ZNF785: variants seen among roughly 807,000 people sequenced by gnomAD.
ZNF785 encodes the protein zinc finger protein 785.
In ZNF785, 15 loss-of-function variants were observed where a neutral mutation model predicts 11.3. The ratio of observed to expected loss-of-function variants is 1.32; its 90% CI spans 0.89 to 2.04. The LOEUF is 2.04. ZNF785 is among the 30% of genes most tolerant of loss of function. The probability of loss-of-function intolerance (pLI) is 0.00; values close to 1 mark genes in which losing one functional copy is unlikely to be tolerated. For synonymous variants in ZNF785, 221 were observed against 231.0 expected, an observed-to-expected ratio of 0.96 and a Z score of 0.39; for missense variants, 572 against 560.9, an observed-to-expected ratio of 1.02 and a Z score of -0.20.
At chr16:30,579,883 TTTTTG>T (rs749689056), downstream of ZNF785, 6 of 454,808 alleles carry the variant, frequency 1.3e-5, no homozygotes, top group South Asian at 6.2e-5. Flanking sequence ...TAACTGTTGT[TTTTTG>T]TTTTGTTTTG....
At chr16:30,583,845 TA>T (rs57893410) in intron 2 of ZNF785, 10,328 of 121,792 alleles carry the variant, frequency 0.085, 638 homozygotes, top group African/African-American at 0.2. Flanking sequence ...AACTCTCTAA[TA>T]AAAAAAAAAA....
rs747286533 is a variant in ZNF785 at position 30,583,048 on chromosome 16, C to A, written c.730G>T (p.Ala244Ser). The A allele has an allele frequency of 4.3e-6, 7 of 1,609,394 alleles. No individual in the cohort carries two copies. The highest frequency in any genetic ancestry group is 5.9e-6 in the Non-Finnish European group (7 of 1,179,044). ...GRRFRQRGSL[A>S]IHRRAHTGEK... Reference sequence around the variant, plus strand: ...CCGGTGTGAGCCCGCCTGTGGATAGCCAGGGAACCCCTCTGGCGGAAGCGG... The same window carrying A: ...CCGGTGTGAGCCCGCCTGTGGATAGACAGGGAACCCCTCTGGCGGAAGCGG... The change falls in exon 3 of 3, where the codon GCT becomes TCT. Residue 244 changes from alanine (A) to serine (S), a missense_variant. By Grantham distance (99) the Ala-to-Ser change is moderately conservative. Coordinates refer to ENST00000395216, the MANE Select transcript of ZNF785 (RefSeq NM_152458.7).
rs753782405 is a variant in ZNF785 at position 30,582,912 on chromosome 16, C to G, written c.866G>C (p.Cys289Ser). The change falls in exon 3 of 3, where the codon TGC becomes TCC. Residue 289 changes from cysteine (C) to serine (S), a missense_variant. By Grantham distance (112) the Cys-to-Ser change is moderately radical. Transcript: ENST00000395216. ...TGEKPYSCPDCSLRFAYTSLL... is the reference protein window; with the variant it reads ...TGEKPYSCPDSSLRFAYTSLL... ...GGAGGTGTAGGCGAAACGGAGGCTG[C>G]AATCGGGGCAGCTGTAGGGCTTCTC... The G allele has an allele frequency of 1.5e-5, 24 of 1,613,710 alleles. No homozygotes were observed. In the African/African-American group the frequency reaches 2.8e-4, roughly 19 times the overall value.
At position 30,582,899 on chromosome 16, in the gene ZNF785, G is replaced by C; in HGVS notation, c.879C>G (p.Phe293Leu). The change falls in exon 3 of 3, where the codon TTC becomes TTG. Residue 293 changes from phenylalanine to leucine, a missense_variant. Transcript: ENST00000395216. ...GGATGGCCAGCAGGGAGGTGTAGGC[G>C]AAACGGAGGCTGCAATCGGGGCAGC... ...PYSCPDCSLR[F>L]AYTSLLAIHR... 6.2e-7 allele frequency: 1 copy of C among 1,613,848 alleles called. No homozygotes were observed.
rs1436663378 is a variant in ZNF785 at position 30,582,839 on chromosome 16, G to C, written c.939C>G (p.Pro313=). The change falls in exon 3 of 3, where the codon CCC becomes CCG. Residue 313 remains proline (P), a synonymous_variant. Coordinates refer to ENST00000395216, the MANE Select transcript of ZNF785 (RefSeq NM_152458.7). ...RRIHTGEKPY[P]CPDCGRRFTY... is the part of the protein sequence containing the mutation. ...TGAAGCGGCGGCCGCAGTCAGGACA[G>C]GGGTAGGGCTTCTCGCCGGTGTGTA... 2 of 1,611,488 alleles carry C rather than the reference G, an allele frequency of 1.2e-6. No homozygotes were observed. The highest frequency in any genetic ancestry group is 1.7e-6 in the Non-Finnish European group (2 of 1,178,442).
chr16:30,582,925 T>G lies in ZNF785; in HGVS notation c.853A>C (p.Ser285Arg), dbSNP rs1247822031. 1.9e-6 allele frequency: 3 copies of G among 1,611,656 alleles called. No homozygotes were observed. Among genetic ancestry groups the G allele is most frequent in the African/African-American group, 2.7e-5 (2 of 73,956 alleles). ...AAACGGAGGCTGCAATCGGGGCAGC[T>G]GTAGGGCTTCTCGCCCGTGTGCTTG... ...QRKHTGEKPY[S>R]CPDCSLRFAY... Residue 285 changes from serine to arginine, a missense_variant, in exon 3 of 3, where the codon AGC (serine) becomes CGC (arginine). By Grantham distance (110) the Ser-to-Arg change is moderately radical (BLOSUM62 -1). Transcript: ENST00000395216.
chr16:30,582,824 G>A lies in ZNF785; in HGVS notation c.954C>T (p.Gly318=). Reference sequence around the variant, plus strand: ...GGAGGGAAGAATAGGTGAAGCGGCGGCCGCAGTCAGGACAGGGGTAGGGCT... The same window carrying A: ...GGAGGGAAGAATAGGTGAAGCGGCGACCGCAGTCAGGACAGGGGTAGGGCT... ...GEKPYPCPDC[G]RRFTYSSLLL... Residue 318 remains glycine (G), a synonymous_variant, in exon 3 of 3, where the codon GGC becomes GGT. Coordinates refer to ENST00000395216, the MANE Select transcript of ZNF785 (RefSeq NM_152458.7). 1 of 1,608,020 alleles carries A rather than the reference G, an allele frequency of 6.2e-7. No individual in the cohort carries two copies. The highest frequency in any genetic ancestry group is 1.1e-5 in the South Asian group (1 of 90,558).
At chr16:30,584,433 C>T (rs1365131832) in intron 2 of ZNF785, among the ~76,000 whole-genome samples, 2 of 152,064 alleles carry the variant, frequency 1.3e-5, no homozygotes, top group East Asian at 1.9e-4. Flanking sequence ...AGGTGGATCA[C>T]GAGATCAGGA....
rs753416043 is a variant in ZNF785, at chr16:30,585,380, G to A, written c.205+27C>T. 1.3e-6 allele frequency: 2 copies of A among 1,573,848 alleles called. No homozygotes were observed. The highest frequency in any genetic ancestry group is 1.7e-6 in the Non-Finnish European group (2 of 1,161,786). On this transcript the variant is annotated intron_variant, in intron 1 of 2. Transcript: ENST00000395216. This position sits in a 1 kb window ranked among gnomAD's most constrained non-coding sequence, Gnocchi z 4.0. Reference sequence around the variant, plus strand: ...CACCGCTTCCCACCGACGGACTGGGGGTCCCGGCCGGAGGGCCCGGCCTCA... The same window carrying A: ...CACCGCTTCCCACCGACGGACTGGGAGTCCCGGCCGGAGGGCCCGGCCTCA...
rs758188267 is a variant in ZNF785 at position 30,585,159 on chromosome 16, G to C, written c.297C>G (p.Ser99Arg). The change falls in exon 2 of 3, where the codon AGC becomes AGG. Residue 99 changes from serine (S) to arginine (R), a missense_variant. Physicochemically the swap from Ser to Arg is moderately radical, Grantham distance 110 (BLOSUM62 -1). Coordinates refer to ENST00000395216, the MANE Select transcript of ZNF785 (RefSeq NM_152458.7). The surrounding 1 kb of genome is among the most constrained non-coding windows in gnomAD (Gnocchi z 4.0). ...CTTGGCCCCTGCTGAAAGCTGCAGA[G>C]CTCTCACCGTCGGGATCCTGGGCCT... is the stretch of plus-strand genomic sequence containing the variant. ...SPEAQDPDGESSAAFSRGQGQ... is the reference protein window; with the variant it reads ...SPEAQDPDGERSAAFSRGQGQ... 6.2e-7 allele frequency: 1 copy of C among 1,614,088 alleles called. No individual in the cohort carries two copies. The highest frequency in any genetic ancestry group is 1.1e-5 in the South Asian group (1 of 91,076).
In ZNF785 at chr16:30,582,691, G is replaced by T; in HGVS notation, c.1087C>A (p.Arg363Ser). ...TALEAHRWIH[R>S]SCSERRAWQQ... ...CACGCGCGCCTCTCGCTGCAGGAGC[G>T]GTGGATCCACCGATGGGCTTCCAGG... The change falls in exon 3 of 3, where the codon CGC (arginine) becomes AGC (serine). Residue 363 changes from arginine (R) to serine (S), a missense_variant. By Grantham distance (110) the Arg-to-Ser change is moderately radical. Transcript: ENST00000395216. 2 of 1,613,996 alleles carry T rather than the reference G, an allele frequency of 1.2e-6. No individual in the cohort carries two copies. The highest frequency in any genetic ancestry group is 8.5e-7 in the Non-Finnish European group (1 of 1,179,966).
downstream of ZNF785, chr16:30,579,756 C>T (rs2051783168): frequency 2.2e-6 from 1 of 453,560 alleles, no homozygotes; most frequent in South Asian, 1.6e-5. Flanking sequence ...AGTCACTGAC[C>T]ACCAGTCCTG....
rs776488085 is a variant in ZNF785 at position 30,583,415 on chromosome 16, T to C, written c.363A>G (p.Glu121=). ...TTTGTTTTGGACACTTCTTCAGCCTTTCCTTCTCCTCATTCCCATCCCTGG... is the reference window on the plus strand; with the variant it reads ...TTTGTTTTGGACACTTCTTCAGCCTCTCCTTCTCCTCATTCCCATCCCTGG... ...AGSRDGNEEK[E]RLKKCPKQKE... Residue 121 remains glutamate (E), a synonymous_variant, in exon 3 of 3, where the codon GAA becomes GAG. Coordinates refer to ENST00000395216, the MANE Select transcript of ZNF785 (RefSeq NM_152458.7). The C allele has an allele frequency of 3.2e-6, 5 of 1,569,448 alleles. No homozygotes were observed. The highest frequency in any genetic ancestry group is 4.3e-6 in the Non-Finnish European group (5 of 1,156,404).
rs770405526 is a variant in ZNF785 at position 30,582,768 on chromosome 16, C to T, written c.1010G>A (p.Ser337Asn). Residue 337 changes from serine to asparagine, a missense_variant, in exon 3 of 3, where the codon AGC becomes AAC. Coordinates refer to ENST00000395216, the MANE Select transcript of ZNF785 (RefSeq NM_152458.7). ...ACACTCCACGCAGGGGAAGGGCCGGCTGTCGGAGTGAATGCGCCGGTGACT... is the reference window on the plus strand; with the variant it reads ...ACACTCCACGCAGGGGAAGGGCCGGTTGTCGGAGTGAATGCGCCGGTGACT... ...LLSHRRIHSDSRPFPCVECGK... is the reference protein window; with the variant it reads ...LLSHRRIHSDNRPFPCVECGK... The T allele has an allele frequency of 6.2e-7, 1 of 1,605,946 alleles. No individual in the cohort carries two copies. The highest frequency in any genetic ancestry group is 8.5e-7 in the Non-Finnish European group (1 of 1,174,652).
intron 2 of ZNF785, chr16:30,583,834 C>A: frequency 6.4e-6 from 1 of 155,538 alleles, no homozygotes; most frequent in Non-Finnish European, 1.4e-5. Flanking sequence ...CCAGCCTGGG[C>A]AACTCTCTAA....
Position 30,583,003 on chromosome 16 carries a change from A to T in ZNF785, c.775T>A (p.Ser259Thr). The change falls in exon 3 of 3, where the codon TCA becomes ACA. Residue 259 changes from serine (S) to threonine (T), a missense_variant. Physicochemically the swap from Ser to Thr is moderately conservative, Grantham distance 58. Transcript: ENST00000395216. The part of the protein sequence containing the change: ...AHTGEKPYAC[S>T]DCKSRFTYPY... ...TAAGTGAAGCGACTCTTGCAGTCTGAGCACGCGTAAGGCTTCTCCCCGGTG... is the reference window on the plus strand; with the variant it reads ...TAAGTGAAGCGACTCTTGCAGTCTGTGCACGCGTAAGGCTTCTCCCCGGTG... 6.2e-7 allele frequency: 1 copy of T among 1,612,932 alleles called. No homozygotes were observed. Among genetic ancestry groups the T allele is most frequent in the Non-Finnish European group, 8.5e-7 (1 of 1,179,800 alleles).
intron 2 of ZNF785, 63 bp from the exon 3 acceptor site, chr16:30,583,506 T>TA: frequency 6.6e-7 from 1 of 1,513,866 alleles, no homozygotes; most frequent in South Asian, 1.3e-5. Context: ...GGAAAGATGA[T>TA]AAAGTCAAAA....
downstream of ZNF785, chr16:30,578,368 CA>C (rs2051767227): frequency 6.6e-6 from 1 of 152,184 alleles, no homozygotes; most frequent in South Asian, 2.1e-4. Context: ...CTCTTGCTTT[CA>C]AATTATTTTA....
chr16:30,583,965 G>A (rs951978320), intron 2 of ZNF785: 1 of 152,300 alleles, frequency 6.6e-6, no homozygotes, highest in African/African-American at 2.4e-5. Context: ...GGCCAACATG[G>A]GGAAACCTTG....
Sources: gnomAD v4.1 joint callset for allele counts (sites outside exome capture counted in the v4.1 genomes callset) on GRCh38, gnomAD v4.1.1 for gene constraint, Gnocchi (gnomAD v3.1) non-coding constraint, MANE v1.5 for transcripts, NCBI Gene and HGNC (gene_info 2026-07-23, HGNC 2026-07-21) for gene names.